GNB1: variants seen among roughly 807,000 people sequenced by gnomAD.
GNB1 encodes G protein subunit beta 1.
GNB1 carries 2 observed loss-of-function variants against 42.9 expected under a neutral mutation model. The ratio of observed to expected loss-of-function variants is 0.05; its 90% CI spans 0.02 to 0.15. GNB1 has a LOEUF of 0.15. GNB1 is among the 10% of genes least tolerant of loss of function. The pLI, the probability that GNB1 is intolerant of heterozygous loss-of-function variation, is 1.00. For synonymous variants in GNB1, 183 were observed against 174.7 expected, an observed-to-expected ratio of 1.05 and a Z score of -0.38; for missense variants, 193 against 462.2, an observed-to-expected ratio of 0.42 and a Z score of 5.34.
intron 5 of GNB1, among the ~76,000 whole-genome samples, chr1:1,809,944 C>T (rs534896467): frequency 6.6e-6 from 1 of 152,236 alleles, no homozygotes; most frequent in South Asian, 2.1e-4. Context: ...CTTCATTTTA[C>T]TCAAAGGAGG....
At chr1:1,849,298 T>C (rs1373303100) in intron 1 of GNB1, among the ~76,000 whole-genome samples, 1 of 152,196 alleles carries the variant, frequency 6.6e-6, no homozygotes, top group Non-Finnish European at 1.5e-5. Context: ...TATATTAAAC[T>C]AGATATAGCA....
chr1:1,869,411 C>A (rs1649127308), intron 1 of GNB1, among the ~76,000 whole-genome samples: 2 of 152,052 alleles, frequency 1.3e-5, no homozygotes, highest in Non-Finnish European at 2.9e-5. Context: ...AGCTTAATTA[C>A]AGGGTGGACC....
At chr1:1,807,420 C>T (rs530593478) in intron 5 of GNB1, among the ~76,000 whole-genome samples, 5 of 131,780 alleles carry the variant, frequency 3.8e-5, no homozygotes, top group South Asian at 5.1e-4. Context: ...GCCAAGATTG[C>T]GCCACTGCAC....
At chr1:1,869,056 G>A (rs1450628369) in intron 1 of GNB1, among the ~76,000 whole-genome samples, 1 of 150,654 alleles carries the variant, frequency 6.6e-6, no homozygotes, top group Non-Finnish European at 1.5e-5. Flanking sequence ...TGTGGTGGCG[G>A]GCACCTGTAG....
chr1:1,886,086 C>T (rs1650140287), intron 1 of GNB1, among the ~76,000 whole-genome samples: 2 of 151,606 alleles, frequency 1.3e-5, no homozygotes, highest in South Asian at 2.1e-4. Flanking sequence ...CTCAGACAGG[C>T]AGATCACCGG....
intron 1 of GNB1, among the ~76,000 whole-genome samples, chr1:1,874,144 C>A (rs1222523990): frequency 6.6e-6 from 1 of 152,146 alleles, no homozygotes; most frequent in South Asian, 2.1e-4. Context: ...CTCTTCAGTT[C>A]CCACAAAAGA....
At chr1:1,866,197 C>G (rs570749704) in intron 1 of GNB1, among the ~76,000 whole-genome samples, 1 of 152,388 alleles carries the variant, frequency 6.6e-6, no homozygotes, top group Non-Finnish European at 1.5e-5. Flanking sequence ...GCCTTGGTCT[C>G]TCAAAGTGCT....
At chr1:1,812,407 T>TCC (rs1553195492) in intron 5 of GNB1, among the ~76,000 whole-genome samples, 1 of 146,224 alleles carries the variant, frequency 6.8e-6, no homozygotes, top group African/African-American at 2.5e-5. Context: ...CACACATACA[T>TCC]ACACACACAC....
chr1:1,832,943 A>C (rs1442079737), intron 2 of GNB1, among the ~76,000 whole-genome samples: 1 of 152,224 alleles, frequency 6.6e-6, no homozygotes, highest in Non-Finnish European at 1.5e-5. Flanking sequence ...AACCAATCTG[A>C]AAGTGCTCTG....
At chr1:1,888,391 G>C (rs1022652302) in intron 1 of GNB1, among the ~76,000 whole-genome samples, 4 of 151,774 alleles carry the variant, frequency 2.6e-5, no homozygotes, top group Non-Finnish European at 4.4e-5. Context: ...AAGGCGGGCG[G>C]GGGGAGCACT....
Position 1,799,652 on chromosome 1 carries a change from A to C in GNB1, c.430+4767T>G, listed in dbSNP as rs376741103. On this transcript the variant is annotated intron_variant, in intron 7 of 11. Transcript: ENST00000378609. ...TAAGCACTGCACAAACTACAAAACG[A>C]AACACCTGAAAGCATGAAAACAGGA... Among the ~76,000 whole-genome samples the C allele has an allele frequency of 5.3e-5, 8 of 152,214 alleles. No homozygotes were observed. The East Asian group carries it at 1.2e-3, about 22-fold the overall frequency.
intron 2 of GNB1, among the ~76,000 whole-genome samples, chr1:1,828,147 C>T: frequency 6.6e-6 from 1 of 152,040 alleles, no homozygotes; most frequent in East Asian, 1.9e-4. Context: ...ATGGAGAAAC[C>T]CCATCTCTAC....
chr1:1,811,087 T>A (rs1458383443), intron 5 of GNB1, among the ~76,000 whole-genome samples: 70 of 133,048 alleles, frequency 5.3e-4, no homozygotes, highest in Middle Eastern at 7.2e-3. Context: ...ATATATTTTT[T>A]TTTTTTTTCT....
chr1:1,788,028 CAA>C (rs1195576405), intron 10 of GNB1: 56 of 72,248 alleles, frequency 7.8e-4, no homozygotes, highest in African/African-American at 1.7e-3. Context: ...GACTCCATCT[CAA>C]AAAAAAAAAA....
At chr1:1,889,128 A>T (rs1188031068) in intron 1 of GNB1, among the ~76,000 whole-genome samples, 1 of 152,262 alleles carries the variant, frequency 6.6e-6, no homozygotes, top group Non-Finnish European at 1.5e-5. Flanking sequence ...ATTAGAAAAT[A>T]ACTTATGCAA....
intron 2 of GNB1, among the ~76,000 whole-genome samples, chr1:1,830,283 T>G (rs960238870): frequency 6.6e-6 from 1 of 151,434 alleles, no homozygotes; most frequent in Non-Finnish European, 1.5e-5. Flanking sequence ...TTTTTTGAGA[T>G]GGAGTCTTGC....
intron 1 of GNB1, among the ~76,000 whole-genome samples, chr1:1,881,133 C>A (rs766114182): frequency 3.4e-4 from 51 of 152,158 alleles, no homozygotes; most frequent in East Asian, 3.9e-4. Context: ...TCAAACCCAA[C>A]ACACACAAAC....
At chr1:1,866,635 T>TAAAAA (rs35188163) in intron 1 of GNB1, among the ~76,000 whole-genome samples, 1 of 146,454 alleles carries the variant, frequency 6.8e-6, no homozygotes. Flanking sequence ...CTGATGAGCT[T>TAAAAA]AAAAAAAAAA....
intron 1 of GNB1, among the ~76,000 whole-genome samples, chr1:1,841,709 G>A (rs1236867168): frequency 6.6e-6 from 1 of 152,192 alleles, no homozygotes; most frequent in East Asian, 1.9e-4. Flanking sequence ...AAGTAGTTTC[G>A]TTTTGCAATT....
Sources: gnomAD v4.1 joint callset for allele counts (sites outside exome capture counted in the v4.1 genomes callset) on GRCh38, gnomAD v4.1.1 for gene constraint, MANE v1.5 for transcripts, NCBI Gene and HGNC (gene_info 2026-07-23, HGNC 2026-07-21) for gene names.